Variants in ARHGAP10 observed in about 807,000 individuals in gnomAD.
The protein encoded by ARHGAP10 is rho GTPase-activating protein 10.
In ARHGAP10, 87 loss-of-function variants were observed where a neutral mutation model predicts 108.6. That is an observed-to-expected ratio of 0.80 (90% CI 0.67 to 0.96). The LOEUF (loss-of-function observed/expected upper bound fraction) is 0.96. Among genes scored for constraint, ARHGAP10 ranks in the 40% least tolerant of loss-of-function variants. The pLI is 0.00. For synonymous variants in ARHGAP10, 347 were observed against 341.1 expected (o/e 1.02, Z -0.19); for missense variants, 939 against 954.5 (o/e 0.98, Z 0.21).
At chr4:147,981,770 ATCT>A (rs1739815826) in intron 18 of ARHGAP10, among the ~76,000 whole-genome samples, 1 of 152,140 alleles carries the variant, frequency 6.6e-6, no homozygotes, top group Non-Finnish European at 1.5e-5. Flanking sequence ...GAATAGTTAA[ATCT>A]TCTTGTTGAA....
intron 7 of ARHGAP10, among the ~76,000 whole-genome samples, chr4:147,874,082 T>C (rs1013003896): frequency 2.0e-5 from 3 of 152,048 alleles, no homozygotes; most frequent in Non-Finnish European, 4.4e-5. Context: ...TCTACATTTA[T>C]CAGACTCTCC....
At chr4:147,898,833 G>T (rs1214318142) in intron 10 of ARHGAP10, among the ~76,000 whole-genome samples, 1 of 152,048 alleles carries the variant, frequency 6.6e-6, no homozygotes, top group Non-Finnish European at 1.5e-5. Context: ...AGATGGGGTG[G>T]GGTGGGATGG....
At chr4:147,907,163 A>G (rs1195053150) in intron 11 of ARHGAP10, among the ~76,000 whole-genome samples, 3 of 152,278 alleles carry the variant, frequency 2.0e-5, no homozygotes, top group South Asian at 2.1e-4. Flanking sequence ...CTAGTAGTTT[A>G]CAGTATGCAG....
intron 19 of ARHGAP10, among the ~76,000 whole-genome samples, chr4:148,027,416 C>T (rs573095861): frequency 1.4e-4 from 22 of 152,294 alleles, no homozygotes; most frequent in South Asian, 6.2e-4. Flanking sequence ...ATTTGGATCA[C>T]GAATGTGCTA....
intron 15 of ARHGAP10, among the ~76,000 whole-genome samples, chr4:147,953,636 TCTCTC>T (rs1358340898): frequency 1.9e-5 from 1 of 52,204 alleles, no homozygotes. Context: ...TTGTTTGTTT[TCTCTC>T]TTTTATTTCC....
chr4:148,022,168 T>C (rs1401189057), intron 18 of ARHGAP10, among the ~76,000 whole-genome samples: 1 of 152,182 alleles, frequency 6.6e-6, no homozygotes, highest in East Asian at 1.9e-4. Context: ...AAATTATACA[T>C]GTGCAGAACG....
chr4:147,862,512 C>A (rs372015372), intron 5 of ARHGAP10: 3 of 152,548 alleles, frequency 2.0e-5, no homozygotes, highest in East Asian at 3.9e-4. Context: ...GAGTGCGCAG[C>A]CCTGGCTGCA....
At chr4:147,813,961 A>G (rs1212604209) in intron 1 of ARHGAP10, among the ~76,000 whole-genome samples, 1 of 152,154 alleles carries the variant, frequency 6.6e-6, no homozygotes, top group East Asian at 1.9e-4. Flanking sequence ...TCAAGTCTCC[A>G]TATTCCATGC....
chr4:147,812,624 A>G (rs555167902), intron 1 of ARHGAP10, among the ~76,000 whole-genome samples: 32 of 152,290 alleles, frequency 2.1e-4, no homozygotes, highest in African/African-American at 6.7e-4. Context: ...CTAATATTTC[A>G]ACATAGTCAA....
chr4:147,825,590 T>C (rs933668600), intron 3 of ARHGAP10, among the ~76,000 whole-genome samples: 10 of 152,194 alleles, frequency 6.6e-5, no homozygotes, highest in Admixed American at 3.9e-4. Flanking sequence ...ATGAGGTTTT[T>C]CTGGCACACA....
chr4:148,031,620 A>G (rs1215931601), intron 19 of ARHGAP10, among the ~76,000 whole-genome samples: 3 of 152,262 alleles, frequency 2.0e-5, no homozygotes, highest in East Asian at 3.9e-4. Context: ...TTTCAGAGTT[A>G]CTCTGTGCAT....
At chr4:147,818,659 C>T (rs1263385358) in intron 1 of ARHGAP10, among the ~76,000 whole-genome samples, 1 of 151,530 alleles carries the variant, frequency 6.6e-6, no homozygotes, top group Non-Finnish European at 1.5e-5. Context: ...GTCTTTGTAA[C>T]TAACTTAGTC....
At chr4:147,813,526 G>A (rs1350610735) in intron 1 of ARHGAP10, among the ~76,000 whole-genome samples, 2 of 152,204 alleles carry the variant, frequency 1.3e-5, no homozygotes, top group Non-Finnish European at 2.9e-5. Context: ...AGAATGCCAT[G>A]AACTAATGGC....
chr4:147,810,432 C>G (rs1386256964), intron 1 of ARHGAP10, among the ~76,000 whole-genome samples: 1 of 152,204 alleles, frequency 6.6e-6, no homozygotes, highest in African/African-American at 2.4e-5. Context: ...TGCAACCAGT[C>G]TTCTAACTTC....
At chr4:148,007,231 C>T (rs992939250) in intron 18 of ARHGAP10, among the ~76,000 whole-genome samples, 26 of 152,024 alleles carry the variant, frequency 1.7e-4, no homozygotes, top group African/African-American at 5.1e-4. Flanking sequence ...GCTTTTCTTT[C>T]GGAAAGAGAT....
At chr4:147,732,688 C>T (rs1013341680) in intron 1 of ARHGAP10, among the ~76,000 whole-genome samples, 4 of 152,150 alleles carry the variant, frequency 2.6e-5, no homozygotes, top group Non-Finnish European at 1.5e-5. Flanking sequence ...GCGGCGGGAA[C>T]CAGCTGCCAG....
intron 18 of ARHGAP10, among the ~76,000 whole-genome samples, chr4:148,011,207 A>G (rs1422646516): frequency 6.6e-6 from 1 of 152,242 alleles, no homozygotes; most frequent in Non-Finnish European, 1.5e-5. Context: ...GTTATTTATC[A>G]GAGCATAGCA....
intron 4 of ARHGAP10, among the ~76,000 whole-genome samples, chr4:147,850,861 A>G (rs973131435): frequency 6.6e-6 from 1 of 152,164 alleles, no homozygotes; most frequent in Non-Finnish European, 1.5e-5. Flanking sequence ...CTTATTGCCA[A>G]ATGTCCCACA....
intron 13 of ARHGAP10, among the ~76,000 whole-genome samples, chr4:147,922,640 A>G (rs1217709061): frequency 3.5e-5 from 5 of 144,194 alleles, no homozygotes; most frequent in Non-Finnish European, 7.4e-5. Context: ...GTGAGCCGAG[A>G]TCCCGCCACT....
Sources: gnomAD v4.1 joint callset for allele counts (sites outside exome capture counted in the v4.1 genomes callset) on GRCh38, gnomAD v4.1.1 for gene constraint, MANE v1.5 for transcripts, NCBI Gene and HGNC (gene_info 2026-07-23, HGNC 2026-07-21) for gene names.